LARP4B: variants seen among roughly 807,000 people sequenced by gnomAD.
The protein encoded by LARP4B is La ribonucleoprotein 4B, also known as la-related protein 4B.
In LARP4B, 12 loss-of-function variants were observed where a neutral mutation model predicts 89.8. The ratio of observed to expected loss-of-function variants is 0.13; its 90% confidence interval spans 0.09 to 0.22. The LOEUF (loss-of-function observed/expected upper bound fraction) is 0.22, where lower values mean the gene tolerates loss of function less well. Ranked by LOEUF, LARP4B falls within the 10% of genes least tolerant of loss-of-function variation. LARP4B has a pLI of 1.00. For synonymous variants in LARP4B, 367 were observed against 363.3 expected (o/e 1.01, Z -0.12); for missense variants, 757 against 947.7 (o/e 0.80, Z 2.64).
At chr10:823,647 C>G (rs1248170735) in intron 13 of LARP4B, among the ~76,000 whole-genome samples, 2 of 151,658 alleles carry the variant, frequency 1.3e-5, no homozygotes, top group Non-Finnish European at 2.9e-5. Flanking sequence ...ACAATTGATG[C>G]CCCTCAGAGG....
the LARP4B span, among the ~76,000 whole-genome samples, chr10:948,813 G>A: frequency 0.74 from 112,357 of 152,166 alleles, 42,509 homozygotes; most frequent in East Asian, 0.9. Context: ...TGTTCAGGCC[G>A]TGGTGTGTGT....
the LARP4B span, among the ~76,000 whole-genome samples, chr10:943,723 C>T: frequency 1.1e-4 from 16 of 151,920 alleles, no homozygotes; most frequent in Admixed American, 3.3e-4. Context: ...CAGTGAGCGG[C>T]GAGGGTGATG....
At chr10:930,555 G>T (rs1439394814) in intron 1 of LARP4B, among the ~76,000 whole-genome samples, 2 of 152,160 alleles carry the variant, frequency 1.3e-5, no homozygotes, top group East Asian at 1.9e-4. Context: ...ACATTCGCAT[G>T]AAGTTTCGAC....
chr10:950,222 C>T, the LARP4B span, among the ~76,000 whole-genome samples: 8 of 152,122 alleles, frequency 5.3e-5, no homozygotes, highest in East Asian at 3.8e-4. Flanking sequence ...TAGCCTTTTG[C>T]GGAGCAAAAG....
intron 11 of LARP4B, among the ~76,000 whole-genome samples, 159 bp downstream of exon 11, chr10:829,226 G>C (rs758934158): frequency 6.6e-6 from 1 of 152,344 alleles, no homozygotes; most frequent in South Asian, 2.1e-4. Context: ...CATAAGCTCT[G>C]TTCTCAGCTA....
the LARP4B span, chr10:973,138 G>T: frequency 4.6e-3 from 1,609 of 353,212 alleles, 28 homozygotes; most frequent in African/African-American, 0.032. Flanking sequence ...TGATGGAGGG[G>T]GATGTGCTAT....
At chr10:956,547 G>T in the LARP4B span, among the ~76,000 whole-genome samples, 1 of 151,948 alleles carries the variant, frequency 6.6e-6, no homozygotes, top group Non-Finnish European at 1.5e-5. The surrounding 1 kb of genome is among the most constrained non-coding windows in gnomAD (Gnocchi z 4.3). Context: ...GAGTTTCACC[G>T]TGTTAGCCAG....
At chr10:847,878 G>A (rs1241059275) in intron 5 of LARP4B, among the ~76,000 whole-genome samples, 1 of 152,206 alleles carries the variant, frequency 6.6e-6, no homozygotes, top group Non-Finnish European at 1.5e-5. Flanking sequence ...ACTGCCCTGA[G>A]GGAAGTCCCA....
intron 1 of LARP4B, among the ~76,000 whole-genome samples, chr10:901,583 A>G (rs953420945): frequency 6.6e-6 from 1 of 152,050 alleles, no homozygotes; most frequent in African/African-American, 2.4e-5. Flanking sequence ...TTTTTTCAAG[A>G]TTCAGTATCT....
At chr10:848,426 C>G (rs1246206239) in intron 5 of LARP4B, among the ~76,000 whole-genome samples, 1 of 152,008 alleles carries the variant, frequency 6.6e-6, no homozygotes, top group Non-Finnish European at 1.5e-5. Context: ...GAAGATATGA[C>G]CCATGACAAT....
intron 1 of LARP4B, among the ~76,000 whole-genome samples, chr10:918,517 C>T (rs1204061118): frequency 1.3e-5 from 2 of 151,562 alleles, no homozygotes; most frequent in Admixed American, 6.6e-5. Flanking sequence ...GCCTGTAGTC[C>T]CAGCTACTCG....
At chr10:829,846 C>T (rs1832807143) in intron 9 of LARP4B, 112 bp from the exon 10 acceptor site, 1 of 743,760 alleles carries the variant, frequency 1.3e-6, no homozygotes, top group Admixed American at 2.2e-5. Context: ...TTATGGTGAA[C>T]AGAACCTAGA....
chr10:913,777 C>T (rs957650383), intron 1 of LARP4B, among the ~76,000 whole-genome samples: 5 of 152,196 alleles, frequency 3.3e-5, no homozygotes, highest in Admixed American at 1.3e-4. Context: ...AGCATGGCAG[C>T]GCACGCCTGT....
chr10:873,176 G>C (rs1266905315), intron 3 of LARP4B: 34 of 984,680 alleles, frequency 3.5e-5, no homozygotes, highest in Non-Finnish European at 4.1e-5. Context: ...CGACAGGCGT[G>C]CTGGTCCCAA....
At chr10:897,526 C>CA (rs1338067919) in intron 1 of LARP4B, among the ~76,000 whole-genome samples, 2 of 152,012 alleles carry the variant, frequency 1.3e-5, no homozygotes, top group African/African-American at 4.8e-5. Flanking sequence ...TGGATTTCAT[C>CA]AAAACGAAAA....
intron 1 of LARP4B, among the ~76,000 whole-genome samples, chr10:927,256 G>A (rs951054512): frequency 5.9e-5 from 9 of 152,108 alleles, no homozygotes; most frequent in African/African-American, 2.2e-4. Context: ...AGGCATTGAA[G>A]GGACAAAAGG....
At chr10:973,358 C>CT in the LARP4B span, among the ~76,000 whole-genome samples, 87 of 148,440 alleles carry the variant, frequency 5.9e-4, no homozygotes, top group Admixed American at 9.4e-4. Context: ...TTTTGGTGAA[C>CT]TTTTTTTTTT....
At chr10:865,114 A>AT (rs1042412974) in intron 3 of LARP4B, among the ~76,000 whole-genome samples, 1 of 152,166 alleles carries the variant, frequency 6.6e-6, no homozygotes, top group African/African-American at 2.4e-5. Flanking sequence ...AATATCTCAT[A>AT]TTTTTCACAG....
chr10:972,700 A>G, the LARP4B span: 1 of 457,270 alleles, frequency 2.2e-6, no homozygotes, highest in Non-Finnish European at 4.4e-6. Context: ...AACACTGAGA[A>G]TATCAGGCAT....
Sources: allele counts gnomAD v4.1 joint callset (sites outside exome capture counted in the v4.1 genomes callset), GRCh38; gene constraint gnomAD v4.1.1; non-coding constraint Gnocchi (gnomAD v3.1); transcripts MANE v1.5; gene names NCBI Gene and HGNC (gene_info 2026-07-23, HGNC 2026-07-21).